Variants in STIM2 observed in about 807,000 individuals in gnomAD.
STIM2 encodes the protein stromal interaction molecule 2.
A neutral mutation model predicts 85.8 loss-of-function variants in STIM2; 31 were observed. The ratio of observed to expected loss-of-function variants is 0.36; its 90% CI spans 0.27 to 0.49. The LOEUF (loss-of-function observed/expected upper bound fraction) is 0.49, where lower values mean the gene tolerates loss of function less well. Ranked by LOEUF, STIM2 falls within the 20% of genes least tolerant of loss-of-function variation. The probability of loss-of-function intolerance (pLI) is 0.98; values close to 1 mark genes in which losing one functional copy is unlikely to be tolerated. For synonymous variants in STIM2, 356 were observed against 331.1 expected (o/e 1.08, Z -0.82); for missense variants, 841 against 927.6 (o/e 0.91, Z 1.21).
intron 4 of STIM2, among the ~76,000 whole-genome samples, chr4:26,996,068 G>T (rs1226081474): frequency 6.6e-6 from 1 of 151,882 alleles, no homozygotes; most frequent in Non-Finnish European, 1.5e-5. Flanking sequence ...CCAAGTCAGA[G>T]ACAAGTTAAA....
At chr4:26,989,585 A>G (rs1000607048) in intron 3 of STIM2, among the ~76,000 whole-genome samples, 1 of 152,216 alleles carries the variant, frequency 6.6e-6, no homozygotes, top group Non-Finnish European at 1.5e-5. Flanking sequence ...CACCACTTTT[A>G]TTCAGTGTAA....
chr4:26,907,223 T>C (rs1199396417), intron 1 of STIM2, among the ~76,000 whole-genome samples: 1 of 152,154 alleles, frequency 6.6e-6, no homozygotes, highest in African/African-American at 2.4e-5. Flanking sequence ...AGTGAGTCCC[T>C]AAATCATTAT....
At chr4:26,879,675 A>C (rs1223575767) in intron 1 of STIM2, among the ~76,000 whole-genome samples, 1 of 152,212 alleles carries the variant, frequency 6.6e-6, no homozygotes, top group East Asian at 1.9e-4. Flanking sequence ...AAGAGAAGCA[A>C]GCCTTCCACA....
At chr4:26,880,705 ATCT>A (rs1157558430) in intron 1 of STIM2, among the ~76,000 whole-genome samples, 6 of 147,788 alleles carry the variant, frequency 4.1e-5, no homozygotes, top group Admixed American at 6.8e-5. Flanking sequence ...GTATATATAT[ATCT>A]AATTTTCTTT....
intron 1 of STIM2, among the ~76,000 whole-genome samples, chr4:26,872,047 G>C (rs1361767176): frequency 6.6e-6 from 1 of 152,202 alleles, no homozygotes; most frequent in African/African-American, 2.4e-5. Flanking sequence ...AGCCTGGCAA[G>C]GGTAAGTATT....
At chr4:26,996,786 A>C (rs1054626825) in intron 4 of STIM2, among the ~76,000 whole-genome samples, 1 of 152,194 alleles carries the variant, frequency 6.6e-6, no homozygotes, top group Non-Finnish European at 1.5e-5. Context: ...ATTTATTTAT[A>C]TATGTTGCCC....
intron 3 of STIM2, among the ~76,000 whole-genome samples, chr4:26,984,719 A>C (rs1392179515): frequency 6.6e-6 from 1 of 152,208 alleles, no homozygotes; most frequent in Non-Finnish European, 1.5e-5. Context: ...TCTTCATGGA[A>C]CTAGGTATTG....
At chr4:26,970,356 T>C (rs1726900703) in intron 3 of STIM2, among the ~76,000 whole-genome samples, 1 of 151,834 alleles carries the variant, frequency 6.6e-6, no homozygotes, top group African/African-American at 2.4e-5. Context: ...CATTAACTTA[T>C]TTACATTAGG....
At chr4:26,990,938 T>C (rs937123584) in intron 3 of STIM2, among the ~76,000 whole-genome samples, 7 of 152,070 alleles carry the variant, frequency 4.6e-5, no homozygotes, top group African/African-American at 7.2e-5. Flanking sequence ...TTACAAATGC[T>C]GTTGAAGGTG....
intron 1 of STIM2, among the ~76,000 whole-genome samples, chr4:26,914,544 C>T (rs1447086336): frequency 2.0e-5 from 3 of 151,846 alleles, no homozygotes; most frequent in Non-Finnish European, 4.4e-5. Flanking sequence ...TTGTTTTTAC[C>T]TTTTGTGTAC....
intron 3 of STIM2, among the ~76,000 whole-genome samples, chr4:26,982,221 T>C (rs1490431628): frequency 6.6e-6 from 1 of 151,420 alleles, no homozygotes; most frequent in Non-Finnish European, 1.5e-5. Flanking sequence ...CAAAGACATA[T>C]TTTGAAACTA....
chr4:26,889,080 T>C (rs944092267), intron 1 of STIM2, among the ~76,000 whole-genome samples: 11 of 152,292 alleles, frequency 7.2e-5, no homozygotes, highest in African/African-American at 2.4e-4. Flanking sequence ...GGTTAAAGAA[T>C]AGGCAACAAA....
At chr4:26,869,667 C>T (rs1221376486) in intron 1 of STIM2, among the ~76,000 whole-genome samples, 2 of 151,702 alleles carry the variant, frequency 1.3e-5, no homozygotes, top group South Asian at 4.2e-4. Context: ...CTGTGAGGCA[C>T]CACAGATGGC....
intron 5 of STIM2, among the ~76,000 whole-genome samples, chr4:27,000,260 T>G (rs948925516): frequency 6.6e-6 from 1 of 152,204 alleles, no homozygotes; most frequent in Non-Finnish European, 1.5e-5. Context: ...TACTGGTGGT[T>G]CTTTTTTGGC....
At chr4:26,906,436 G>GT (rs1724128111) in intron 1 of STIM2, among the ~76,000 whole-genome samples, 6 of 131,206 alleles carry the variant, frequency 4.6e-5, no homozygotes, top group African/African-American at 1.2e-4. Flanking sequence ...ATACAAGTTT[G>GT]TTTGTTTTTT....
At chr4:26,996,056 A>C (rs1321884871) in intron 4 of STIM2, among the ~76,000 whole-genome samples, 1 of 152,100 alleles carries the variant, frequency 6.6e-6, no homozygotes, top group Non-Finnish European at 1.5e-5. Flanking sequence ...AGGTTAAAAA[A>C]ACCAAGTCAG....
intron 3 of STIM2, among the ~76,000 whole-genome samples, chr4:26,970,952 G>A (rs1726925679): frequency 1.3e-5 from 2 of 152,128 alleles, no homozygotes; most frequent in African/African-American, 4.8e-5. Context: ...GCATGAGATG[G>A]TATCTCATTG....
chr4:27,019,684 T>A, intron 11 of STIM2: 1 of 350,684 alleles, frequency 2.9e-6, no homozygotes, highest in East Asian at 7.7e-5. Flanking sequence ...ATTTACTGAT[T>A]TTTTTTTTTT....
chr4:26,977,531 G>T (rs1466679340), intron 3 of STIM2, among the ~76,000 whole-genome samples: 1 of 152,168 alleles, frequency 6.6e-6, no homozygotes, highest in Non-Finnish European at 1.5e-5. Flanking sequence ...CGCGTGAACT[G>T]GTGAGAGGTG....
Sources: gnomAD v4.1 joint callset for allele counts (sites outside exome capture counted in the v4.1 genomes callset) on GRCh38, gnomAD v4.1.1 for gene constraint, MANE v1.5 for transcripts, NCBI Gene and HGNC (gene_info 2026-07-23, HGNC 2026-07-21) for gene names.